The following PHEX variants were observed in gnomAD, a reference collection of about 807,000 sequenced individuals.
PHEX encodes phosphate regulating endopeptidase X-linked.
In PHEX, 16 loss-of-function variants were observed where a neutral mutation model predicts 68.0. The observed-to-expected ratio is 0.24, with a 90% CI of 0.16 to 0.36. PHEX has a LOEUF of 0.36. Ranked by LOEUF, PHEX falls within the 10% of genes least tolerant of loss-of-function variation. The probability of loss-of-function intolerance (pLI) is 1.00; values close to 1 mark genes in which losing one functional copy is unlikely to be tolerated. For missense variants in PHEX, 480 were observed against 575.5 expected (o/e 0.83, Z 1.70); for synonymous variants, 208 against 205.1 (o/e 1.01, Z -0.12).
At chrX:22,124,896 C>A (rs909784170) in intron 11 of PHEX, among the ~76,000 whole-genome samples, 1 of 111,521 alleles carries the variant, frequency 9.0e-6, no homozygotes, top group African/African-American at 3.3e-5. Context: ...CACTGCTAAT[C>A]CTGACAAACT....
chrX:22,164,116 C>T (rs752689226), intron 12 of PHEX, among the ~76,000 whole-genome samples: 49 of 111,805 alleles, frequency 4.4e-4, no homozygotes, highest in Non-Finnish European at 8.8e-4. Flanking sequence ...GGCATCTCCT[C>T]TTCTACCTTT....
chrX:22,099,749 G>A (rs1396167950), intron 9 of PHEX, among the ~76,000 whole-genome samples: 1 of 110,942 alleles, frequency 9.0e-6, no homozygotes, highest in African/African-American at 3.4e-5. Flanking sequence ...AATTTTACAG[G>A]TTCCTTAAGG....
At position 22,249,144 on chromosome X, in the gene PHEX, C is replaced by T. The variant is rs1481423730; in HGVS notation, c.*1191C>T. 1.9e-5 allele frequency: 2 copies of T among 107,494 alleles called. No individual in the cohort carries two copies. The highest frequency in any genetic ancestry group is 3.8e-5 in the Non-Finnish European group (2 of 52,249). 8.9% of individuals were successfully genotyped at this position (107,494 alleles called of 1,213,427 possible). A position where few individuals can be genotyped will look rare whatever the true frequency, so the allele number is the denominator to read the frequency against. On this transcript the variant is annotated 3_prime_UTR_variant, in exon 22 of 22. Transcript: ENST00000379374. ...TCATCTAAAGAGTTGTGAGAAAGAG[C>T]AGTACTATGTGTTTTATCCTTAGAG... is the stretch of plus-strand genomic sequence containing the variant.
intron 9 of PHEX, among the ~76,000 whole-genome samples, chrX:22,102,932 A>G (rs59798409): frequency 0.098 from 10,994 of 111,650 alleles, 821 homozygotes; most frequent in African/African-American, 0.25. Context: ...TATAAAAATC[A>G]TATACAGGTA....
In PHEX at chrX:22,133,620, A is replaced by G. The variant is rs1179252877; in HGVS notation, c.1400A>G (p.Glu467Gly). Residue 467 changes from glutamate to glycine, a missense_variant, in exon 12 of 22, where the codon GAA (glutamate) becomes GGA (glycine). Physicochemically the swap from Glu to Gly is moderately conservative, Grantham distance 98. Transcript: ENST00000379374. ...MDAGTKRKAK[E>G]KARAVLAKVG... ...GCAGGAACGAAAAGGAAAGCCAAAG[A>G]AAAGGTAAGGATTCCTTTTGATGAA... The G allele has an allele frequency of 1.7e-6, 2 of 1,181,596 alleles. No individual in the cohort carries two copies. The highest frequency in any genetic ancestry group is 1.8e-5 in the South Asian group (1 of 56,187).
chrX:22,234,964 G>A (rs1057343906), intron 20 of PHEX, among the ~76,000 whole-genome samples: 4 of 111,915 alleles, frequency 3.6e-5, no homozygotes, highest in Non-Finnish European at 7.5e-5. Context: ...AGGCACTGGA[G>A]GGAATCTGGA....
Position 22,248,177 on chromosome X carries a change from A to G in PHEX, c.*224A>G. On this transcript the variant is annotated 3_prime_UTR_variant, in exon 22 of 22. Transcript: ENST00000379374. Reference sequence around the variant, plus strand: ...CTAAGTATGTTTCTTTAGAAAATCAAACCAACAAAAATAAATCCCTAGGCT... The same window carrying G: ...CTAAGTATGTTTCTTTAGAAAATCAGACCAACAAAAATAAATCCCTAGGCT... 1 of 412,561 alleles carries G rather than the reference A, an allele frequency of 2.4e-6. No individual in the cohort carries two copies. Among genetic ancestry groups the G allele is most frequent in the Non-Finnish European group, 4.2e-6 (1 of 235,699 alleles). The allele number at this position is 412,561 out of a possible 1,213,427, so 34.0% of individuals were successfully genotyped here.
intron 20 of PHEX, among the ~76,000 whole-genome samples, chrX:22,244,530 A>C: frequency 9.0e-6 from 1 of 111,134 alleles, no homozygotes. Flanking sequence ...TGAACCCAGG[A>C]GGTGGAGGTT....
At chrX:22,065,327 G>A (rs780197824) in intron 3 of PHEX, among the ~76,000 whole-genome samples, 33 of 112,510 alleles carry the variant, frequency 2.9e-4, no homozygotes, top group African/African-American at 1.0e-3. Context: ...TAGGCAGAAA[G>A]ACTTCCTATA....
intron 18 of PHEX, among the ~76,000 whole-genome samples, 190 bp from the exon 19 acceptor site, chrX:22,226,253 C>T (rs1165015205): frequency 9.0e-6 from 1 of 111,071 alleles, no homozygotes; most frequent in East Asian, 2.8e-4. Flanking sequence ...TATTACATTC[C>T]AGAGCACCTT....
intron 16 of PHEX, among the ~76,000 whole-genome samples, chrX:22,216,192 T>A (rs981287326): frequency 2.6e-4 from 29 of 111,885 alleles, no homozygotes; most frequent in African/African-American, 8.8e-4. Context: ...CTCTAAGCCA[T>A]TTCCAACTCA....
At chrX:22,067,242 G>GAA (rs760129111) in intron 3 of PHEX, among the ~76,000 whole-genome samples, 1 of 95,595 alleles carries the variant, frequency 1.0e-5, no homozygotes, top group African/African-American at 3.8e-5. Context: ...GCCCTGTCTC[G>GAA]AAAAAAAAAA....
intron 20 of PHEX, among the ~76,000 whole-genome samples, chrX:22,239,311 C>CCACCAAAAA (rs1936100992): frequency 9.1e-6 from 1 of 110,148 alleles, no homozygotes; most frequent in African/African-American, 3.3e-5. Context: ...AACTCCAAAA[C>CCACCAAAAA]CCAGAACGCC....
chrX:22,156,044 TTAA>T (rs1932943035), intron 12 of PHEX, among the ~76,000 whole-genome samples: 1 of 111,952 alleles, frequency 8.9e-6, no homozygotes, highest in Non-Finnish European at 1.9e-5. Context: ...CACTTTAGGT[TTAA>T]TGTCAGGGCC....
chrX:22,109,963 C>T (rs1930883741), intron 9 of PHEX, among the ~76,000 whole-genome samples: 1 of 111,957 alleles, frequency 8.9e-6, no homozygotes, highest in Non-Finnish European at 1.9e-5. Flanking sequence ...TAGGGATCAT[C>T]CTCATTGTAT....
In PHEX at chrX:22,218,818, T is replaced by C. The variant is rs183585300; in HGVS notation, c.1701-218T>C. Among the ~76,000 whole-genome samples, 34 of 112,468 alleles carry C rather than the reference T, an allele frequency of 3.0e-4. No individual in the cohort carries two copies. In the East Asian group the frequency reaches 9.3e-3, roughly 31 times the overall value. On this transcript the variant is annotated intron_variant, in intron 16 of 21. Transcript: ENST00000379374. ...GTAGGGCACTAAGGTTCATATGTGG[T>C]AATAATGACAATGTTTGTTAGAATT...
intron 3 of PHEX, 83 bp downstream of exon 3, chrX:22,047,294 G>T: frequency 1.2e-6 from 1 of 808,025 alleles, no homozygotes; most frequent in South Asian, 2.1e-5. Flanking sequence ...TTTGAAGCAT[G>T]ACTTCTCACT....
intron 15 of PHEX, among the ~76,000 whole-genome samples, chrX:22,195,652 A>G (rs140870970): frequency 1.3e-4 from 14 of 111,317 alleles, no homozygotes; most frequent in African/African-American, 4.2e-4. Flanking sequence ...TATGCATGCA[A>G]CTGACTAAAT....
At chrX:22,147,028 C>T (rs1932731246) in intron 12 of PHEX, among the ~76,000 whole-genome samples, 1 of 110,490 alleles carries the variant, frequency 9.1e-6, no homozygotes, top group Non-Finnish European at 1.9e-5. Flanking sequence ...CCACAATAGC[C>T]TCAGTATAAA....
Sources: allele counts gnomAD v4.1 joint callset (sites outside exome capture counted in the v4.1 genomes callset), GRCh38; gene constraint gnomAD v4.1.1; transcripts MANE v1.5; gene names NCBI Gene and HGNC (gene_info 2026-07-23, HGNC 2026-07-21).